Variants in SEPTIN9 observed in about 807,000 individuals in gnomAD.
SEPTIN9 encodes septin-9.
SEPTIN9 carries 13 observed loss-of-function variants against 56.6 expected under a neutral mutation model. The ratio of observed to expected loss-of-function variants is 0.23; its 90% CI spans 0.15 to 0.37. The LOEUF (loss-of-function observed/expected upper bound fraction) is 0.37. Among genes scored for constraint, SEPTIN9 ranks in the 10% least tolerant of loss-of-function variants. SEPTIN9 has a pLI of 1.00. For missense variants in SEPTIN9, 650 were observed against 823.1 expected, an observed-to-expected ratio of 0.79 and a Z score of 2.57; for synonymous variants, 332 against 334.1, an observed-to-expected ratio of 0.99 and a Z score of 0.07.
At chr17:77,304,445 G>A (rs2032181925) in intron 1 of SEPTIN9, among the ~76,000 whole-genome samples, 2 of 152,212 alleles carry the variant, frequency 1.3e-5, no homozygotes, top group South Asian at 4.1e-4. Context: ...TGGAGAGAGT[G>A]GGCCAGCATG....
Position 77,286,881 on chromosome 17 carries a change from T to C in SEPTIN9, c.19+5327T>C, listed in dbSNP as rs573568673. 2.0e-5 allele frequency among the ~76,000 whole-genome samples: 3 copies of C among 152,104 alleles called. No individual in the cohort carries two copies. The East Asian group carries it at 5.8e-4, about 29-fold the overall frequency. Reference sequence around the variant, plus strand: ...GAGAGAGGCTCCAGGCCCCTAGGGGTGTGAACCTTTGGGGTGAGGCGGGAA... The same window carrying C: ...GAGAGAGGCTCCAGGCCCCTAGGGGCGTGAACCTTTGGGGTGAGGCGGGAA... On this transcript the variant is annotated intron_variant, in intron 1 of 11. Transcript: ENST00000427177.
intron 1 of SEPTIN9, among the ~76,000 whole-genome samples, chr17:77,302,449 G>A (rs1374271082): frequency 3.9e-5 from 6 of 152,146 alleles, no homozygotes; most frequent in African/African-American, 1.2e-4. Context: ...GGAGGCCAAG[G>A]TGGGAGGATC....
chr17:77,405,296 T>A lies in SEPTIN9; in HGVS notation c.721+2593T>A, dbSNP rs1202529926. ...GGAGCTCACCGAGCCGTGAGCAGGA[T>A]GGCTGGGACACAAGGAGTGTCCAGG... On this transcript the variant is annotated intron_variant, in intron 3 of 11. Coordinates refer to ENST00000427177, the MANE Select transcript of SEPTIN9 (RefSeq NM_001113491.2). This position sits in a 1 kb window ranked among gnomAD's most constrained non-coding sequence, Gnocchi z 5.8. 6.6e-6 allele frequency among the ~76,000 whole-genome samples: 1 copy of A among 152,062 alleles called. No individual in the cohort carries two copies. The highest frequency in any genetic ancestry group is 1.5e-5 in the Non-Finnish European group (1 of 68,022).
At chr17:77,471,699 A>T (rs756248176) in intron 3 of SEPTIN9, among the ~76,000 whole-genome samples, 1 of 152,176 alleles carries the variant, frequency 6.6e-6, no homozygotes, top group Non-Finnish European at 1.5e-5. Flanking sequence ...CCACCCACCC[A>T]CGGGGGAACT....
intron 2 of SEPTIN9, among the ~76,000 whole-genome samples, chr17:77,387,987 C>G (rs940476386): frequency 1.3e-5 from 2 of 151,786 alleles, no homozygotes; most frequent in Admixed American, 1.3e-4. Context: ...TACCCCCTAC[C>G]CCAGACCCCT....
chr17:77,321,700 C>G (rs1257745344), intron 2 of SEPTIN9, among the ~76,000 whole-genome samples: 1 of 152,218 alleles, frequency 6.6e-6, no homozygotes, highest in African/African-American at 2.4e-5. Context: ...AGGGCCACAT[C>G]TTGATTGTCA....
At chr17:77,335,289 T>C (rs565622166) in intron 2 of SEPTIN9, among the ~76,000 whole-genome samples, 1 of 151,454 alleles carries the variant, frequency 6.6e-6, no homozygotes, top group East Asian at 1.9e-4. Flanking sequence ...TGTGGTCCTG[T>C]ATTAGTATAT....
At chr17:77,320,180 A>G in intron 2 of SEPTIN9, 1 of 1,567,812 alleles carries the variant, frequency 6.4e-7, no homozygotes, top group African/African-American at 1.4e-5. Context: ...AACAGATTGA[A>G]GAAATTAGAC....
intron 10 of SEPTIN9, among the ~76,000 whole-genome samples, chr17:77,494,958 T>C (rs917674971): frequency 1.3e-5 from 2 of 152,216 alleles, no homozygotes; most frequent in Non-Finnish European, 2.9e-5. Context: ...CAGGCTGGCT[T>C]GCCTCCCCTT....
At chr17:77,416,833 C>T (rs2036525004) in intron 3 of SEPTIN9, among the ~76,000 whole-genome samples, 1 of 152,186 alleles carries the variant, frequency 6.6e-6, no homozygotes, top group Non-Finnish European at 1.5e-5. Flanking sequence ...TCCCTTAGAC[C>T]AGGATAAGAT....
chr17:77,481,692 T>TCTGA (rs1234271236), intron 3 of SEPTIN9, among the ~76,000 whole-genome samples: 2 of 152,104 alleles, frequency 1.3e-5, no homozygotes, highest in Non-Finnish European at 2.9e-5. Context: ...GTACAGCTTA[T>TCTGA]CTGAGTAGAG....
chr17:77,304,012 G>A (rs2032165482), intron 1 of SEPTIN9, among the ~76,000 whole-genome samples: 2 of 152,188 alleles, frequency 1.3e-5, no homozygotes, highest in South Asian at 2.1e-4. Flanking sequence ...TTCTGAGTAT[G>A]TTTTATTTTA....
chr17:77,380,636 G>A (rs995790273), intron 2 of SEPTIN9, among the ~76,000 whole-genome samples: 1 of 152,142 alleles, frequency 6.6e-6, no homozygotes, highest in African/African-American at 2.4e-5. Flanking sequence ...CACCTGGAGC[G>A]GCTTTCCTGG....
rs541774864 is a variant in SEPTIN9 at position 77,437,449 on chromosome 17, A to G, written c.721+34746A>G. Among the ~76,000 whole-genome samples, 305 of 148,334 alleles carry G rather than the reference A, an allele frequency of 2.1e-3. 2 individuals are homozygous for G. Among genetic ancestry groups the G allele is most frequent in the Admixed American group, 5.1e-3 (74 of 14,614 alleles). On this transcript the variant is annotated intron_variant, in intron 3 of 11. Coordinates refer to ENST00000427177, the MANE Select transcript of SEPTIN9 (RefSeq NM_001113491.2). The surrounding 1 kb of genome is among the most constrained non-coding windows in gnomAD (Gnocchi z 5.3). Reference sequence around the variant, plus strand: ...ATGTGTGGCTGCCTTTATGTAACCAACTCTCTCACGGAGAAGCCAGGGGAT... The same window carrying G: ...ATGTGTGGCTGCCTTTATGTAACCAGCTCTCTCACGGAGAAGCCAGGGGAT...
chr17:77,451,559 T>C lies in SEPTIN9; in HGVS notation c.722-30585T>C, dbSNP rs2037971023. 3.0e-6 allele frequency: 3 copies of C among 985,232 alleles called. No individual in the cohort carries two copies. Among genetic ancestry groups the C allele is most frequent in the Non-Finnish European group, 3.6e-6 (3 of 829,734 alleles). 61.0% of individuals were successfully genotyped at this position (985,232 alleles called of 1,614,324 possible). ...TCCTGCTCCTTTGTTCTTCCCAGCC[T>C]TGCACCACTGGCTCGGGGGCTCTCA... On this transcript the variant is annotated intron_variant, in intron 3 of 11. Coordinates refer to ENST00000427177, the MANE Select transcript of SEPTIN9 (RefSeq NM_001113491.2). This position sits in a 1 kb window ranked among gnomAD's most constrained non-coding sequence, Gnocchi z 4.2.
At chr17:77,406,182 A>AC (rs2036063478) in intron 3 of SEPTIN9, among the ~76,000 whole-genome samples, 2 of 151,952 alleles carry the variant, frequency 1.3e-5, no homozygotes, top group South Asian at 4.2e-4. Context: ...CTGCTCACTC[A>AC]CCATAGGCCC....
chr17:77,354,962 C>A (rs563336586), intron 2 of SEPTIN9, among the ~76,000 whole-genome samples: 14 of 152,202 alleles, frequency 9.2e-5, no homozygotes, highest in African/African-American at 3.1e-4. Flanking sequence ...CTCCCCCAGC[C>A]AATAATTGGC....
rs2037915743 is a variant in SEPTIN9 at position 77,450,274 on chromosome 17, C to A, written c.722-31870C>A. Among the ~76,000 whole-genome samples the A allele has an allele frequency of 6.6e-6, 1 of 152,146 alleles. No homozygotes were observed. Among genetic ancestry groups the A allele is most frequent in the African/African-American group, 2.4e-5 (1 of 41,420 alleles). On this transcript the variant is annotated intron_variant, in intron 3 of 11. Transcript: ENST00000427177. The surrounding 1 kb of genome is among the most constrained non-coding windows in gnomAD (Gnocchi z 6.0). ...CGGGTGCCCCGGGGCTTCAGTCACC[C>A]CCAGCCACGTGTGGGGGTGCGGGAT...
At chr17:77,293,646 A>G (rs567161172) in intron 1 of SEPTIN9, among the ~76,000 whole-genome samples, 1 of 152,364 alleles carries the variant, frequency 6.6e-6, no homozygotes, top group African/African-American at 2.4e-5. Flanking sequence ...AAATAACAGC[A>G]AATTATAAAT....
Sources: allele counts gnomAD v4.1 joint callset (sites outside exome capture counted in the v4.1 genomes callset), GRCh38; gene constraint gnomAD v4.1.1; non-coding constraint Gnocchi (gnomAD v3.1); transcripts MANE v1.5; gene names NCBI Gene and HGNC (gene_info 2026-07-23, HGNC 2026-07-21).